ASPM: variants seen among roughly 807,000 people sequenced by gnomAD.
ASPM encodes assembly factor for spindle microtubules, also known as abnormal spindle-like microcephaly-associated protein.
Under a neutral mutation model 366.4 loss-of-function variants are expected in ASPM, and 256 were observed. The observed-to-expected ratio is 0.70, with a 90% confidence interval of 0.63 to 0.77. The LOEUF is 0.77. Among genes scored for constraint, ASPM ranks in the 30% least tolerant of loss-of-function variants. ASPM has a pLI of 0.00. For synonymous variants in ASPM, 1,414 were observed against 1,342.9 expected (o/e 1.05, Z -1.16); for missense variants, 4,146 against 4,090.4 (o/e 1.01, Z -0.37).
At position 197,124,950 on chromosome 1, in the gene ASPM, T is replaced by C. The variant is rs1553225949; in HGVS notation, c.3088A>G (p.Thr1030Ala). The C allele has an allele frequency of 1.9e-6, 3 of 1,610,698 alleles. No homozygotes were observed. Among genetic ancestry groups the C allele is most frequent in the Non-Finnish European group, 2.5e-6 (3 of 1,176,858 alleles). ...GIELSDEHGNTILSKDIVDRH... is the reference protein window; with the variant it reads ...GIELSDEHGNAILSKDIVDRH... ...TCCACAATATCCTTAGATAGAATTG[T>C]ATTTCCTATAAAAGAAAAGGTTGTC... Residue 1030 changes from threonine (T) to alanine (A), a missense_variant, in exon 12 of 28, where the codon ACA becomes GCA. Physicochemically the swap from Thr to Ala is moderately conservative, Grantham distance 58 (BLOSUM62 0). Coordinates refer to ENST00000367409, the MANE Select transcript of ASPM (RefSeq NM_018136.5).
At position 197,126,736 on chromosome 1, in the gene ASPM, A is replaced by G. The variant is rs538966900; in HGVS notation, c.2937-1545T>C. Among the ~76,000 whole-genome samples the G allele has an allele frequency of 1.7e-4, 26 of 152,332 alleles. No individual in the cohort carries two copies. The South Asian group carries it at 3.7e-3, about 22-fold the overall frequency. ...TGAGAATACTGATCAGAAAGAAAAG[A>G]ATGTTCATGGAAATTTAGCCTAAAA... On this transcript the variant is annotated intron_variant, in intron 10 of 27. Transcript: ENST00000367409.
intron 10 of ASPM, among the ~76,000 whole-genome samples, chr1:197,127,458 A>G (rs1352083092): frequency 6.6e-6 from 1 of 152,204 alleles, no homozygotes; most frequent in Non-Finnish European, 1.5e-5. Context: ...CTAAATACAC[A>G]GAGAAAAAAA....
In ASPM at chr1:197,089,953, GC is replaced by G. The variant is rs1023667325; in HGVS notation, c.9960del (p.Gln3321LysfsTer19). 3.7e-6 allele frequency: 6 copies of G among 1,612,980 alleles called. No homozygotes were observed. Among genetic ancestry groups the G allele is most frequent in the Non-Finnish European group, 5.1e-6 (6 of 1,179,366 alleles). On this transcript the variant is annotated frameshift_variant, in exon 25 of 28. Coordinates refer to ENST00000367409, the MANE Select transcript of ASPM (RefSeq NM_018136.5). LOFTEE classifies it high-confidence loss of function. ...IPCMEVIRYA[V>X]QVLLNVSKYE... The stretch of plus-strand genomic sequence containing the variant: ...ACCTTAGATACATTAAGCAAGACTT[GC>G]ACAGCATATCTGATGACTTCCATAC...
intron 9 of ASPM, 110 bp downstream of exon 9, chr1:197,129,077 A>G (rs1658180066): frequency 1.6e-6 from 2 of 1,258,882 alleles, no homozygotes; most frequent in Admixed American, 2.1e-5. Context: ...TCCTCTGAGT[A>G]TTATTCTTTG....
At chr1:197,084,488 C>G (rs536686907) in intron 27 of ASPM, 62 bp from the exon 28 acceptor site, 1 of 1,139,886 alleles carries the variant, frequency 8.8e-7, no homozygotes, top group South Asian at 1.3e-5. Flanking sequence ...GTTACCTTCA[C>G]CTTTTTTCTC....
At chr1:197,138,827 T>TA (rs375827617) in intron 4 of ASPM, 3 of 787,916 alleles carry the variant, frequency 3.8e-6, no homozygotes, top group Admixed American at 1.7e-5. Flanking sequence ...CTTCATTTTA[T>TA]AAAAAATCTA....
intron 7 of ASPM, among the ~76,000 whole-genome samples, chr1:197,130,495 C>T (rs1473154972): frequency 1.3e-5 from 2 of 152,110 alleles, no homozygotes; most frequent in East Asian, 3.9e-4. Context: ...TTGGAAAGCA[C>T]AGGTCTGTTT....
chr1:197,095,439 C>T (rs1384037352), intron 19 of ASPM, among the ~76,000 whole-genome samples: 1 of 132,622 alleles, frequency 7.5e-6, no homozygotes, highest in East Asian at 3.0e-4. Flanking sequence ...AAGAAAAATT[C>T]TTATACTATG....
intron 13 of ASPM, among the ~76,000 whole-genome samples, chr1:197,122,848 G>A (rs772599336): frequency 2.0e-5 from 3 of 152,136 alleles, no homozygotes; most frequent in Non-Finnish European, 4.4e-5. Flanking sequence ...AACTGTGAGA[G>A]AATAAATTTC....
intron 2 of ASPM, 21 bp from the exon 3 acceptor site, chr1:197,143,831 T>C: frequency 3.1e-6 from 5 of 1,605,812 alleles, no homozygotes; most frequent in Non-Finnish European, 4.3e-6. Context: ...AAGGAAAATA[T>C]ACCAATTAAG....
At position 197,127,893 on chromosome 1, in the gene ASPM, C is replaced by T. The variant is rs577106761; in HGVS notation, c.2936+597G>A. On this transcript the variant is annotated intron_variant, in intron 10 of 27. Transcript: ENST00000367409. ...TAAAAAGTGTCATTTTGGCCAGGCA[C>T]GGTGGCTCATGCCTGTAATCCCAGA... is the stretch of plus-strand genomic sequence containing the variant. Among the ~76,000 whole-genome samples, 9 of 152,208 alleles carry T rather than the reference C, an allele frequency of 5.9e-5. No individual in the cohort carries two copies. The South Asian group carries it at 1.0e-3, about 18-fold the overall frequency.
At chr1:197,094,927 A>G (rs1656919638) in intron 19 of ASPM, among the ~76,000 whole-genome samples, 1 of 151,736 alleles carries the variant, frequency 6.6e-6, no homozygotes, top group Non-Finnish European at 1.5e-5. Context: ...GATAGTAGCA[A>G]CTGTATCTTT....
chr1:197,136,239 T>C lies in ASPM; in HGVS notation c.2027-997A>G, dbSNP rs142482259. On this transcript the variant is annotated intron_variant, in intron 4 of 27. Coordinates refer to ENST00000367409, the MANE Select transcript of ASPM (RefSeq NM_018136.5). ...CTCTAAATTTGCCATACAAGAAGCA[T>C]TAAAGTCCTTCAGGTTGAAATAAAT... 7.0e-4 allele frequency among the ~76,000 whole-genome samples: 106 copies of C among 152,264 alleles called. 1 individual carries two copies. In the East Asian group the frequency reaches 0.02, roughly 29 times the overall value.
Position 197,103,927 on chromosome 1 carries a change from T to C in ASPM, c.5324A>G (p.Tyr1775Cys), listed in dbSNP as rs1247972747. 30 of 1,612,728 alleles carry C rather than the reference T, an allele frequency of 1.9e-5. No homozygotes were observed. The Admixed American group carries it at 4.2e-4, about 22-fold the overall frequency. The part of the protein sequence containing the change: ...RKARQYYLKM[Y>C]KAIIVIQNYY... Reference sequence around the variant, plus strand: ...ATTCTGAATGACAATAATTGCTTTATACATTTTCAGATAATACTGCCGAGC... The same window carrying C: ...ATTCTGAATGACAATAATTGCTTTACACATTTTCAGATAATACTGCCGAGC... The change falls in exon 18 of 28, where the codon TAT (tyrosine) becomes TGT (cysteine). Residue 1775 changes from tyrosine to cysteine, a missense_variant. Tyr to Cys is a radical substitution (Grantham distance 194). Coordinates refer to ENST00000367409, the MANE Select transcript of ASPM (RefSeq NM_018136.5).
At chr1:197,128,768 T>C in intron 9 of ASPM, 103 bp from the exon 10 acceptor site, 2 of 855,020 alleles carry the variant, frequency 2.3e-6, no homozygotes, top group Non-Finnish European at 3.5e-6. Context: ...AATAAAATAA[T>C]ATAAAAAGTT....
chr1:197,094,242 T>C, intron 19 of ASPM, 62 bp from the exon 20 acceptor site: 1 of 954,390 alleles, frequency 1.0e-6, no homozygotes, highest in Non-Finnish European at 1.7e-6. Context: ...GAGTATTTAT[T>C]GCCTCCCCCC....
In ASPM at chr1:197,100,964, C is replaced by CT; in HGVS notation, c.8286dup (p.Glu2763ArgfsTer9). On this transcript the variant is annotated frameshift_variant, in exon 18 of 28. Coordinates refer to ENST00000367409, the MANE Select transcript of ASPM (RefSeq NM_018136.5). LOFTEE classifies it high-confidence loss of function. ...TTAACAATGGCTGCCATCTTTTCCTCTGATACATTTTTCAATTTTTGTCTA... is the reference window on the plus strand; with the variant it reads ...TTAACAATGGCTGCCATCTTTTCCTCTTGATACATTTTTCAATTTTTGTCTA... 6.2e-7 allele frequency: 1 copy of CT among 1,612,590 alleles called. No homozygotes were observed. Among genetic ancestry groups the CT allele is most frequent in the Non-Finnish European group, 8.5e-7 (1 of 1,179,156 alleles).
chr1:197,093,212 C>T lies in ASPM; in HGVS notation c.9134G>A (p.Gly3045Glu), dbSNP rs771829922. The T allele has an allele frequency of 1.2e-6, 2 of 1,612,552 alleles. No individual in the cohort carries two copies. Among genetic ancestry groups the T allele is most frequent in the Non-Finnish European group, 1.7e-6 (2 of 1,178,950 alleles). Residue 3045 changes from glycine to glutamate, a missense_variant, in exon 21 of 28, where the codon GGA becomes GAA. Gly to Glu is a moderately conservative substitution (Grantham distance 98). Transcript: ENST00000367409. ...TTTCTGCCGAAGAAAGACCTGCCTT[C>T]CTTTATATCCTCTATAATGTGCTTG... ...LIQAHYRGYK[G>E]RQVFLRQKSA...
intron 20 of ASPM, 35 bp from the exon 21 acceptor site, chr1:197,093,296 T>TA: frequency 2.6e-6 from 4 of 1,545,468 alleles, no homozygotes; most frequent in Non-Finnish European, 2.7e-6. Context: ...CATTAATGGG[T>TA]AGAAAGAAAA....
Sources: allele counts gnomAD v4.1 joint callset (sites outside exome capture counted in the v4.1 genomes callset), GRCh38; gene constraint gnomAD v4.1.1; transcripts MANE v1.5; gene names NCBI Gene and HGNC (gene_info 2026-07-23, HGNC 2026-07-21).